ARHGAP15: variants seen among roughly 807,000 people sequenced by gnomAD.
ARHGAP15 encodes Rho GTPase activating protein 15, also known as rho GTPase-activating protein 15.
Under a neutral mutation model 63.7 loss-of-function variants are expected in ARHGAP15, and 51 were observed. The ratio of observed to expected loss-of-function variants is 0.80; its 90% CI spans 0.64 to 1.01. The LOEUF (loss-of-function observed/expected upper bound fraction) is 1.01, where lower values mean the gene tolerates loss of function less well. ARHGAP15 is among the 50% of genes least tolerant of loss of function. ARHGAP15 has a pLI of 0.00. For missense variants in ARHGAP15, 560 were observed against 564.6 expected (o/e 0.99, Z 0.08); for synonymous variants, 191 against 193.8 (o/e 0.99, Z 0.12).
At chr2:143,689,701 C>T (rs978914882) in intron 12 of ARHGAP15, among the ~76,000 whole-genome samples, 4 of 152,168 alleles carry the variant, frequency 2.6e-5, no homozygotes, top group Non-Finnish European at 5.9e-5. Flanking sequence ...TTCCTTGACT[C>T]TGTGGCACTC....
chr2:143,466,229 A>G (rs1249775357), intron 8 of ARHGAP15, among the ~76,000 whole-genome samples: 4 of 152,012 alleles, frequency 2.6e-5, no homozygotes, highest in African/African-American at 9.7e-5. Flanking sequence ...AGGAGGACAA[A>G]TTATTTGGGC....
intron 8 of ARHGAP15, among the ~76,000 whole-genome samples, chr2:143,474,745 C>G (rs1354254125): frequency 1.3e-5 from 2 of 152,244 alleles, no homozygotes; most frequent in Non-Finnish European, 2.9e-5. Context: ...TCCATGCTCT[C>G]TCAAGTTCCC....
intron 6 of ARHGAP15, chr2:143,435,378 G>T: frequency 8.8e-7 from 1 of 1,140,468 alleles, no homozygotes; most frequent in East Asian, 4.4e-5. Flanking sequence ...TGACTTAATC[G>T]TTCTATTATT....
chr2:143,338,540 C>G (rs1684911749), intron 6 of ARHGAP15, among the ~76,000 whole-genome samples: 1 of 152,006 alleles, frequency 6.6e-6, no homozygotes, highest in South Asian at 2.1e-4. Context: ...TTTGATTACT[C>G]GATGGGAAGT....
chr2:143,765,520 C>A (rs72861321), intron 13 of ARHGAP15, among the ~76,000 whole-genome samples: 8,034 of 152,152 alleles, frequency 0.053, 263 homozygotes, highest in African/African-American at 0.09. Context: ...CTCACAGGTA[C>A]AAATGCTATC....
chr2:143,330,094 C>CCAAAAAAAAAAAAAAA (rs1684445159), intron 6 of ARHGAP15, among the ~76,000 whole-genome samples: 1 of 1,688 alleles, frequency 5.9e-4, no homozygotes. Context: ...GGCTCTGTCT[C>CCAAAAAAAAAAAAAAA]AAAAAAAAAA....
chr2:143,697,177 T>C (rs1683887449), intron 12 of ARHGAP15, among the ~76,000 whole-genome samples: 5 of 152,178 alleles, frequency 3.3e-5, no homozygotes, highest in Admixed American at 3.3e-4. Flanking sequence ...CAGCATTCCA[T>C]ATATTTACAA....
At chr2:143,354,489 T>A (rs1685720986) in intron 6 of ARHGAP15, among the ~76,000 whole-genome samples, 1 of 152,058 alleles carries the variant, frequency 6.6e-6, no homozygotes, top group Non-Finnish European at 1.5e-5. Context: ...AGGCACCAGT[T>A]TAATGAGGTC....
intron 10 of ARHGAP15, among the ~76,000 whole-genome samples, chr2:143,539,686 A>G (rs1418436279): frequency 6.6e-4 from 101 of 152,124 alleles, no homozygotes; most frequent in African/African-American, 1.8e-3. Context: ...GTAGTTGAGC[A>G]GTTTTGAGTG....
intron 6 of ARHGAP15, among the ~76,000 whole-genome samples, chr2:143,279,438 A>G (rs150529733): frequency 3.3e-5 from 5 of 152,266 alleles, no homozygotes; most frequent in African/African-American, 9.6e-5. Context: ...AAAACAAGCC[A>G]TGACTGCATT....
At chr2:143,579,092 G>A (rs1012709307) in intron 11 of ARHGAP15, among the ~76,000 whole-genome samples, 1 of 152,136 alleles carries the variant, frequency 6.6e-6, no homozygotes, top group African/African-American at 2.4e-5. Context: ...AAATGCCACA[G>A]CATAATAAGG....
chr2:143,148,902 CTA>C (rs1424198978), intron 1 of ARHGAP15, among the ~76,000 whole-genome samples: 4 of 151,948 alleles, frequency 2.6e-5, no homozygotes, highest in African/African-American at 9.7e-5. Flanking sequence ...AATTAAAATG[CTA>C]TTTTGGTAAA....
chr2:143,194,545 C>T (rs1407972161), intron 2 of ARHGAP15, among the ~76,000 whole-genome samples: 1 of 151,938 alleles, frequency 6.6e-6, no homozygotes, highest in East Asian at 1.9e-4. Flanking sequence ...AAATTCATGG[C>T]TAAAAAATAC....
At chr2:143,297,916 G>A (rs1184936107) in intron 6 of ARHGAP15, among the ~76,000 whole-genome samples, 3 of 151,954 alleles carry the variant, frequency 2.0e-5, no homozygotes, top group Non-Finnish European at 2.9e-5. Context: ...TTTGAACACA[G>A]TATCTCATTT....
intron 10 of ARHGAP15, among the ~76,000 whole-genome samples, chr2:143,545,562 C>G (rs1293478196): frequency 2.0e-5 from 3 of 151,546 alleles, no homozygotes; most frequent in Admixed American, 6.6e-5. Context: ...TTCTCGGGGT[C>G]TGTATTGTGT....
At chr2:143,137,008 T>A (rs1407916235) in intron 1 of ARHGAP15, among the ~76,000 whole-genome samples, 1 of 152,126 alleles carries the variant, frequency 6.6e-6, no homozygotes, top group African/African-American at 2.4e-5. Context: ...ATAGTCATTG[T>A]CCAAGGAGTA....
At chr2:143,659,496 C>A (rs1484331021) in intron 12 of ARHGAP15, among the ~76,000 whole-genome samples, 3 of 152,110 alleles carry the variant, frequency 2.0e-5, no homozygotes, top group African/African-American at 4.8e-5. Flanking sequence ...GTCTTTCATG[C>A]CCTGGCTGGG....
chr2:143,460,959 G>A (rs541962058), intron 8 of ARHGAP15, among the ~76,000 whole-genome samples: 4 of 152,026 alleles, frequency 2.6e-5, no homozygotes, highest in Admixed American at 1.3e-4. Context: ...GAAGTAAAAT[G>A]TTTGCCCCTT....
chr2:143,462,269 T>C (rs983687898), intron 8 of ARHGAP15, among the ~76,000 whole-genome samples: 1 of 152,162 alleles, frequency 6.6e-6, no homozygotes, highest in Non-Finnish European at 1.5e-5. Flanking sequence ...TGCTGGGAAT[T>C]GTTGTGTTCA....
Sources: allele counts gnomAD v4.1 joint callset (sites outside exome capture counted in the v4.1 genomes callset), GRCh38; gene constraint gnomAD v4.1.1; transcripts MANE v1.5; gene names NCBI Gene and HGNC (gene_info 2026-07-23, HGNC 2026-07-21).